The following SGCD variants were observed in gnomAD, a reference collection of about 807,000 sequenced individuals.
SGCD encodes the protein delta-sarcoglycan.
Under a neutral mutation model 36.6 loss-of-function variants are expected in SGCD, and 18 were observed. The ratio of observed to expected loss-of-function variants is 0.49; its 90% CI spans 0.34 to 0.73. The LOEUF (loss-of-function observed/expected upper bound fraction) is 0.73. Ranked by LOEUF, SGCD falls within the 30% of genes least tolerant of loss-of-function variation. The probability of loss-of-function intolerance (pLI) is 0.01; values close to 1 mark genes in which losing one functional copy is unlikely to be tolerated. For synonymous variants in SGCD, 133 were observed against 130.6 expected (o/e 1.02, Z -0.12); for missense variants, 387 against 346.7 (o/e 1.12, Z -0.92).
intron 3 of SGCD, among the ~76,000 whole-genome samples, chr5:156,283,100 C>G (rs1345294998): frequency 6.6e-6 from 1 of 151,984 alleles, no homozygotes; most frequent in East Asian, 1.9e-4. Context: ...TAAATTATTC[C>G]CCAGAGAACT....
intron 6 of SGCD, among the ~76,000 whole-genome samples, chr5:156,641,136 A>G (rs1763012681): frequency 6.6e-6 from 1 of 152,182 alleles, no homozygotes; most frequent in Non-Finnish European, 1.5e-5. Flanking sequence ...AAGGCCACAA[A>G]TTCATGTTAG....
In SGCD at chr5:156,762,179, T is replaced by C. The variant is rs1757511881; in HGVS notation, c.*2789T>C. 1.3e-5 allele frequency: 2 copies of C among 152,648 alleles called. No individual in the cohort carries two copies. Among genetic ancestry groups the C allele is most frequent in the African/African-American group, 4.8e-5 (2 of 41,460 alleles). 9.5% of individuals were successfully genotyped at this position (152,648 alleles called of 1,614,324 possible). On this transcript the variant is annotated 3_prime_UTR_variant, in exon 9 of 9. Coordinates refer to ENST00000337851, the MANE Select transcript of SGCD (RefSeq NM_000337.6). The stretch of plus-strand genomic sequence containing the variant: ...AAAAAATGAGATTCTTTCTAATCTT[T>C]ATATATGACATTTTCTAGACAATCG...
At chr5:156,405,827 C>G (rs2127765648) in intron 3 of SGCD, among the ~76,000 whole-genome samples, 1 of 152,168 alleles carries the variant, frequency 6.6e-6, no homozygotes, top group South Asian at 2.1e-4. Flanking sequence ...CAGTTTCAAG[C>G]TCCTGAGTCT....
intron 1 of SGCD, among the ~76,000 whole-genome samples, chr5:156,094,559 A>G (rs1426914483): frequency 6.6e-6 from 1 of 152,212 alleles, no homozygotes; most frequent in African/African-American, 2.4e-5. Context: ...TTCTTTCAGA[A>G]GCCAAAATTC....
intron 4 of SGCD, among the ~76,000 whole-genome samples, chr5:156,527,085 TG>T (rs1343070759): frequency 6.6e-6 from 1 of 152,194 alleles, no homozygotes; most frequent in Non-Finnish European, 1.5e-5. Flanking sequence ...TTGCCTATCA[TG>T]GTACAGAAGG....
At chr5:156,252,194 A>G (rs1765599330) in intron 3 of SGCD, among the ~76,000 whole-genome samples, 1 of 151,766 alleles carries the variant, frequency 6.6e-6, no homozygotes, top group African/African-American at 2.4e-5. Context: ...CAGCCTCCCG[A>G]GTATTAATCC....
chr5:156,365,824 A>C (rs1427085123), intron 3 of SGCD, among the ~76,000 whole-genome samples: 1 of 152,220 alleles, frequency 6.6e-6, no homozygotes, highest in Non-Finnish European at 1.5e-5. Context: ...AAATATACAG[A>C]TATATTTAAA....
intron 7 of SGCD, among the ~76,000 whole-genome samples, chr5:156,676,389 CA>C (rs1753509010): frequency 6.6e-6 from 1 of 152,194 alleles, no homozygotes; most frequent in South Asian, 2.1e-4. Context: ...AACAGGTAGA[CA>C]CCCTCTGTGG....
At chr5:155,737,862 G>A in the SGCD span, among the ~76,000 whole-genome samples, 10 of 152,248 alleles carry the variant, frequency 6.6e-5, no homozygotes, top group Admixed American at 5.2e-4. Flanking sequence ...TTAAGTGATA[G>A]GTTAATTTGC....
intron 1 of SGCD, among the ~76,000 whole-genome samples, chr5:156,009,384 C>G (rs767704370): frequency 2.4e-4 from 37 of 152,234 alleles, no homozygotes; most frequent in Non-Finnish European, 5.1e-4. Flanking sequence ...CATATACATA[C>G]CTACACCTGG....
intron 6 of SGCD, among the ~76,000 whole-genome samples, chr5:156,596,536 C>T (rs1325131645): frequency 3.3e-5 from 5 of 152,062 alleles, no homozygotes; most frequent in Admixed American, 6.6e-5. Flanking sequence ...TTATAAGGTA[C>T]GTTTACCTGA....
intron 3 of SGCD, among the ~76,000 whole-genome samples, chr5:156,503,805 G>C (rs938687023): frequency 3.2e-4 from 48 of 152,146 alleles, no homozygotes; most frequent in African/African-American, 1.0e-3. Context: ...GTACATTCTA[G>C]GTAAGTGTTG....
At chr5:156,289,122 T>C (rs1485582877) in intron 3 of SGCD, among the ~76,000 whole-genome samples, 2 of 151,898 alleles carry the variant, frequency 1.3e-5, no homozygotes, top group Non-Finnish European at 2.9e-5. Flanking sequence ...TAAAGAGGAG[T>C]TTGTGGTCAT....
chr5:156,629,628 CA>C (rs1228830954), intron 6 of SGCD, among the ~76,000 whole-genome samples: 1 of 152,130 alleles, frequency 6.6e-6, no homozygotes, highest in Non-Finnish European at 1.5e-5. Flanking sequence ...ATCTTTTACA[CA>C]AAGGGCCAGA....
At chr5:155,730,860 G>T in the SGCD span, among the ~76,000 whole-genome samples, 9 of 152,210 alleles carry the variant, frequency 5.9e-5, no homozygotes, top group Admixed American at 2.0e-4. Flanking sequence ...CCTAAGGAGC[G>T]CCCTCCTCAC....
chr5:156,632,390 A>G (rs1442403806), intron 6 of SGCD, among the ~76,000 whole-genome samples: 2 of 152,242 alleles, frequency 1.3e-5, no homozygotes, highest in Non-Finnish European at 2.9e-5. Flanking sequence ...TTGAATAGGC[A>G]GAGACATTGT....
intron 3 of SGCD, among the ~76,000 whole-genome samples, chr5:156,194,312 G>A (rs1396725366): frequency 1.3e-5 from 2 of 152,122 alleles, no homozygotes; most frequent in Non-Finnish European, 2.9e-5. Context: ...CTGGGAGGTA[G>A]AGGTTGCACT....
At chr5:155,847,107 G>A in the SGCD span, among the ~76,000 whole-genome samples, 8 of 152,114 alleles carry the variant, frequency 5.3e-5, no homozygotes, top group Middle Eastern at 3.2e-3. Flanking sequence ...CCCAATGCCC[G>A]GGCCATGTGT....
chr5:156,526,479 A>G (rs1757645808), intron 4 of SGCD, among the ~76,000 whole-genome samples: 1 of 152,194 alleles, frequency 6.6e-6, no homozygotes, highest in Non-Finnish European at 1.5e-5. Context: ...TGCATGGAAC[A>G]CGAGCATCTT....
Sources: allele counts gnomAD v4.1 joint callset (sites outside exome capture counted in the v4.1 genomes callset), GRCh38; gene constraint gnomAD v4.1.1; transcripts MANE v1.5; gene names NCBI Gene and HGNC (gene_info 2026-07-23, HGNC 2026-07-21).